Variants in KCND2 observed in about 807,000 individuals in gnomAD.
The protein encoded by KCND2 is potassium voltage-gated channel subfamily D member 2, also known as A-type voltage-gated potassium channel KCND2.
Under a neutral mutation model 54.4 loss-of-function variants are expected in KCND2, and 16 were observed. The observed-to-expected ratio is 0.29, with a 90% CI of 0.20 to 0.45. The LOEUF (loss-of-function observed/expected upper bound fraction) is 0.45, where lower values mean the gene tolerates loss of function less well. KCND2 is among the 20% of genes least tolerant of loss of function. The pLI is 1.00. For missense variants in KCND2, 486 were observed against 824.2 expected (o/e 0.59, Z 5.02); for synonymous variants, 317 against 310.7 (o/e 1.02, Z -0.21).
chr7:120,741,794 T>C (rs1447980710), intron 3 of KCND2, among the ~76,000 whole-genome samples, 165 bp downstream of exon 3: 2 of 152,144 alleles, frequency 1.3e-5, no homozygotes, highest in Non-Finnish European at 2.9e-5. Flanking sequence ...TGTACATCCT[T>C]GTTGGCTGTA....
intron 1 of KCND2, among the ~76,000 whole-genome samples, chr7:120,595,505 G>GTGTGTATATATATGTATATATA (rs1279570780): frequency 3.7e-4 from 53 of 144,666 alleles, no homozygotes; most frequent in Non-Finnish European, 6.1e-4. Context: ...ATATGTGTGT[G>GTGTGTATATATATGTATATATA]TGTGTATATA....
chr7:120,309,866 C>A (rs1041676606), intron 1 of KCND2, among the ~76,000 whole-genome samples: 1 of 152,132 alleles, frequency 6.6e-6, no homozygotes, highest in Non-Finnish European at 1.5e-5. Context: ...TGTCTACAAA[C>A]CAGTCACAGG....
chr7:120,426,923 C>T (rs1457986817), intron 1 of KCND2, among the ~76,000 whole-genome samples: 6 of 152,076 alleles, frequency 3.9e-5, no homozygotes, highest in East Asian at 1.9e-4. Context: ...CCCGGCCCAA[C>T]GTACTTTTTA....
intron 1 of KCND2, among the ~76,000 whole-genome samples, chr7:120,714,101 CAATT>C (rs892028546): frequency 2.0e-5 from 3 of 152,126 alleles, no homozygotes; most frequent in Admixed American, 6.6e-5. Flanking sequence ...AATCGATATA[CAATT>C]AATATAAGAA....
rs767429777 is a variant in KCND2, at chr7:120,745,871, C to G, written c.1559C>G (p.Ser520Cys). 2 of 1,613,760 alleles carry G rather than the reference C, an allele frequency of 1.2e-6. No homozygotes were observed. The highest frequency in any genetic ancestry group is 2.2e-5 in the South Asian group (2 of 91,086). The change falls in exon 5 of 6, where the codon TCT (serine) becomes TGT (cysteine). Residue 520 changes from serine to cysteine, a missense_variant. Ser to Cys is a moderately radical substitution (Grantham distance 112, BLOSUM62 -1). Transcript: ENST00000331113. ...NRPSSHSPSL[S>C]SQQGVTSTCC... ...CCTTCAAGTCACAGTCCTTCACTGT[C>G]TTCACAACAAGGAGTCACCAGCACC...
At chr7:120,609,357 A>G (rs912820302) in intron 1 of KCND2, among the ~76,000 whole-genome samples, 1 of 152,130 alleles carries the variant, frequency 6.6e-6, no homozygotes, top group Admixed American at 6.6e-5. Flanking sequence ...CAACCCTTAC[A>G]TAACTATTCA....
At chr7:120,579,496 A>G (rs1792485188) in intron 1 of KCND2, among the ~76,000 whole-genome samples, 1 of 151,396 alleles carries the variant, frequency 6.6e-6, no homozygotes, top group South Asian at 2.1e-4. Context: ...CAGCTACTCA[A>G]GAGGCTGAGG....
chr7:120,584,764 G>T (rs552232660), intron 1 of KCND2, among the ~76,000 whole-genome samples: 2 of 152,294 alleles, frequency 1.3e-5, no homozygotes, highest in African/African-American at 2.4e-5. Context: ...ACACACGCAT[G>T]CGCGTGCACA....
At chr7:120,441,148 G>A (rs1040591754) in intron 1 of KCND2, among the ~76,000 whole-genome samples, 3 of 151,972 alleles carry the variant, frequency 2.0e-5, no homozygotes, top group Non-Finnish European at 4.4e-5. Context: ...TTATATAAAT[G>A]TTTAAATTGA....
intron 1 of KCND2, among the ~76,000 whole-genome samples, chr7:120,321,873 A>T (rs1329897362): frequency 6.6e-6 from 1 of 152,134 alleles, no homozygotes; most frequent in Non-Finnish European, 1.5e-5. Context: ...GCATTTGTTG[A>T]ATACTCCGTA....
intron 1 of KCND2, among the ~76,000 whole-genome samples, chr7:120,535,280 T>A (rs1791891754): frequency 6.6e-6 from 1 of 152,194 alleles, no homozygotes; most frequent in African/African-American, 2.4e-5. Context: ...TTCTGCTTAT[T>A]TGGACACTTT....
Position 120,505,840 on chromosome 7 carries a change from A to T in KCND2, c.1116-227063A>T, listed in dbSNP as rs560852356. ...CTTCTGTCTAATTTTACATACCATT[A>T]TGTGGCTGGGTGCAAGTTGTTCTTA... On this transcript the variant is annotated intron_variant, in intron 1 of 5. Coordinates refer to ENST00000331113, the MANE Select transcript of KCND2 (RefSeq NM_012281.3). Among the ~76,000 whole-genome samples the T allele has an allele frequency of 2.6e-5, 4 of 151,924 alleles. No individual in the cohort carries two copies. The South Asian group carries it at 6.2e-4, about 24-fold the overall frequency.
chr7:120,667,831 G>C (rs1791946995), intron 1 of KCND2, among the ~76,000 whole-genome samples: 1 of 151,978 alleles, frequency 6.6e-6, no homozygotes, highest in African/African-American at 2.4e-5. Context: ...TGACAGACAT[G>C]TCACTCTACC....
intron 1 of KCND2, among the ~76,000 whole-genome samples, chr7:120,484,272 A>T (rs1046097007): frequency 1.3e-5 from 2 of 152,034 alleles, no homozygotes; most frequent in African/African-American, 4.8e-5. Context: ...TTTTAGATTT[A>T]GGAAGGATTT....
Position 120,440,309 on chromosome 7 carries a change from A to G in KCND2, c.1115+164562A>G, listed in dbSNP as rs956622247. On this transcript the variant is annotated intron_variant, in intron 1 of 5. Coordinates refer to ENST00000331113, the MANE Select transcript of KCND2 (RefSeq NM_012281.3). ...CTTCTTTGGATAAAAGTTTATTCAT[A>G]TATTTTGCTTTTTAAAAATCAGATT... Among the ~76,000 whole-genome samples, 6 of 152,056 alleles carry G rather than the reference A, an allele frequency of 3.9e-5. No homozygotes were observed. In the East Asian group the frequency reaches 1.2e-3, roughly 29 times the overall value.
chr7:120,712,108 C>A (rs919511302), intron 1 of KCND2, among the ~76,000 whole-genome samples: 1 of 145,794 alleles, frequency 6.9e-6, no homozygotes, highest in African/African-American at 2.5e-5. Flanking sequence ...ATATGAACCA[C>A]AAAAGCACTG....
At chr7:120,565,593 A>C (rs1304246576) in intron 1 of KCND2, among the ~76,000 whole-genome samples, 30 of 152,222 alleles carry the variant, frequency 2.0e-4, no homozygotes, top group Admixed American at 2.0e-3. Flanking sequence ...TTCTGGATGT[A>C]AGAGTAATTC....
rs1204089821 is a variant in KCND2, at chr7:120,589,454, C to T, written c.1116-143449C>T. Among the ~76,000 whole-genome samples, 3 of 152,132 alleles carry T rather than the reference C, an allele frequency of 2.0e-5. No homozygotes were observed. In the East Asian group the frequency reaches 5.8e-4, roughly 29 times the overall value. Reference sequence around the variant, plus strand: ...TTTTTAAACTTTAGGATCAAGAACACTTGGCATCCATTTATTATAAGTGTA... The same window carrying T: ...TTTTTAAACTTTAGGATCAAGAACATTTGGCATCCATTTATTATAAGTGTA... On this transcript the variant is annotated intron_variant, in intron 1 of 5. Coordinates refer to ENST00000331113, the MANE Select transcript of KCND2 (RefSeq NM_012281.3).
intron 1 of KCND2, among the ~76,000 whole-genome samples, chr7:120,467,557 T>C (rs1802389424): frequency 6.6e-6 from 1 of 152,042 alleles, no homozygotes; most frequent in Admixed American, 6.6e-5. Flanking sequence ...GGGAACAGAG[T>C]GGCAGACCCA....
Sources: allele counts gnomAD v4.1 joint callset (sites outside exome capture counted in the v4.1 genomes callset), GRCh38; gene constraint gnomAD v4.1.1; transcripts MANE v1.5; gene names NCBI Gene and HGNC (gene_info 2026-07-23, HGNC 2026-07-21).